Variants in RGS17 observed in about 807,000 individuals in gnomAD.
RGS17 encodes the protein regulator of G-protein signaling 17.
Under a neutral mutation model 25.5 loss-of-function variants are expected in RGS17, and 12 were observed. That is an observed-to-expected ratio of 0.47 (90% CI 0.30 to 0.76). RGS17 has a LOEUF of 0.76. Among genes scored for constraint, RGS17 ranks in the 30% least tolerant of loss-of-function variants. RGS17 has a pLI of 0.07. For synonymous variants in RGS17, 71 were observed against 76.9 expected, an observed-to-expected ratio of 0.92 and a Z score of 0.40; for missense variants, 196 against 242.2, an observed-to-expected ratio of 0.81 and a Z score of 1.27.
intron 1 of RGS17, among the ~76,000 whole-genome samples, chr6:153,065,873 C>G (rs775746410): frequency 5.3e-5 from 8 of 151,680 alleles, no homozygotes; most frequent in South Asian, 2.1e-4. Context: ...TCTTCAAGAA[C>G]TAGAAAAGCA....
In RGS17 at chr6:153,005,999, A is replaced by G. The variant is rs1022981910; in HGVS notation, c.*5575T>C. On this transcript the variant is annotated 3_prime_UTR_variant, in exon 5 of 5. Transcript: ENST00000206262. ...AAATAAAAGGTTTAATGGACACATTACTATTTTAAATTTTATACATTTTAT... is the reference window on the plus strand; with the variant it reads ...AAATAAAAGGTTTAATGGACACATTGCTATTTTAAATTTTATACATTTTAT... 1 of 152,228 alleles carries G rather than the reference A, an allele frequency of 6.6e-6. No individual in the cohort carries two copies. The highest frequency in any genetic ancestry group is 2.4e-5 in the African/African-American group (1 of 41,452). The allele number at this position is 152,228 out of a possible 1,614,324, so 9.4% of individuals were successfully genotyped here.
At chr6:153,099,091 C>T (rs540982030) in intron 1 of RGS17, among the ~76,000 whole-genome samples, 2 of 152,244 alleles carry the variant, frequency 1.3e-5, no homozygotes, top group East Asian at 3.9e-4. Flanking sequence ...ATTATCTGAT[C>T]ACTTGAGATA....
In RGS17 at chr6:153,050,886, GA is replaced by G. The variant is rs574424959; in HGVS notation, c.-25-6844del. On this transcript the variant is annotated intron_variant, in intron 1 of 4. Coordinates refer to ENST00000206262, the MANE Select transcript of RGS17 (RefSeq NM_012419.5). ...ATTTGGAGATGGGGCCAAATATAAT[GA>G]TATTTGGAGGTGGGGCCTTTCAGAG... 2.4e-3 allele frequency among the ~76,000 whole-genome samples: 369 copies of G among 150,870 alleles called. 2 individuals are homozygous for G. The highest frequency in any genetic ancestry group is 8.9e-3 in the African/African-American group (357 of 40,250).
Position 153,020,108 on chromosome 6 carries a change from AAAAAT to A in RGS17, c.444+4149_444+4153del, listed in dbSNP as rs1301577025. Among the ~76,000 whole-genome samples, 58 of 27,604 alleles carry A rather than the reference AAAAAT, an allele frequency of 2.1e-3. 1 individual carries two copies. The highest frequency in any genetic ancestry group is 5.9e-3 in the African/African-American group (49 of 8,278). The allele number at this position is 27,604 out of a possible 152,430, so 18.1% of individuals were successfully genotyped here. On this transcript the variant is annotated intron_variant, in intron 4 of 4. Transcript: ENST00000206262. ...CCTAATTGCAAATATCTTAAAAAAA[AAAAAT>A]ATATATATATATATATATATATATA...
chr6:153,028,200 A>G (rs969424191), intron 2 of RGS17, among the ~76,000 whole-genome samples: 1 of 152,162 alleles, frequency 6.6e-6, no homozygotes, highest in African/African-American at 2.4e-5. Context: ...GCCTCTACCC[A>G]TTTCTAGGGA....
At chr6:153,026,684 C>T (rs1158280587) in intron 2 of RGS17, 141 bp from the exon 3 acceptor site, 1 of 527,018 alleles carries the variant, frequency 1.9e-6, no homozygotes, top group Non-Finnish European at 3.3e-6. Flanking sequence ...AGAGCAATAC[C>T]ATTTTTAAAT....
intron 1 of RGS17, among the ~76,000 whole-genome samples, chr6:153,113,080 T>G (rs1248623395): frequency 6.6e-6 from 1 of 152,148 alleles, no homozygotes; most frequent in Non-Finnish European, 1.5e-5. Flanking sequence ...AATATTAATC[T>G]TAAAGGTAAA....
rs533033334 is a variant in RGS17, at chr6:153,126,995, A to T, written c.-26+4129T>A. Reference sequence around the variant, plus strand: ...ACCAGGGACCGGTTTCATGGAAGACAATTTTTCCACGGATGGCAGTGGGGG... The same window carrying T: ...ACCAGGGACCGGTTTCATGGAAGACTATTTTTCCACGGATGGCAGTGGGGG... On this transcript the variant is annotated intron_variant, in intron 1 of 4. Transcript: ENST00000206262. 3.9e-5 allele frequency among the ~76,000 whole-genome samples: 6 copies of T among 152,282 alleles called. No individual in the cohort carries two copies. In the East Asian group the frequency reaches 1.2e-3, roughly 29 times the overall value.
chr6:153,015,743 T>C (rs899110561), intron 4 of RGS17, among the ~76,000 whole-genome samples: 2 of 151,726 alleles, frequency 1.3e-5, no homozygotes, highest in African/African-American at 2.4e-5. Context: ...AAGCTCCGCC[T>C]CCCGGGTTCA....
chr6:153,005,252 CAGTT>C lies in RGS17; in HGVS notation c.*6318_*6321del, dbSNP rs1442509322. The C allele has an allele frequency of 2.0e-5, 3 of 152,274 alleles. No individual in the cohort carries two copies. The highest frequency in any genetic ancestry group is 7.2e-5 in the African/African-American group (3 of 41,566). 9.4% of individuals were successfully genotyped at this position (152,274 alleles called of 1,614,324 possible). On this transcript the variant is annotated 3_prime_UTR_variant, in exon 5 of 5. Transcript: ENST00000206262. ...GGAGGATTATTGTAAATTGCGCAGA[CAGTT>C]CAAGGGAAAAATTCACTTTCACCTC...
chr6:153,101,234 A>G (rs1777298948), intron 1 of RGS17, among the ~76,000 whole-genome samples: 1 of 152,232 alleles, frequency 6.6e-6, no homozygotes, highest in African/African-American at 2.4e-5. Flanking sequence ...TGAACTGCGG[A>G]GTCCACTTAT....
intron 1 of RGS17, among the ~76,000 whole-genome samples, chr6:153,075,089 T>C (rs1776859591): frequency 1.3e-5 from 2 of 152,226 alleles, no homozygotes; most frequent in South Asian, 2.1e-4. Context: ...AATGAGTTCA[T>C]ACATTTTATT....
intron 1 of RGS17, among the ~76,000 whole-genome samples, chr6:153,097,872 T>C (rs1584155929): frequency 6.6e-6 from 1 of 152,058 alleles, no homozygotes; most frequent in African/African-American, 2.4e-5. Context: ...TCTAATCTGA[T>C]GATGTGGGGC....
intron 2 of RGS17, among the ~76,000 whole-genome samples, chr6:153,028,617 G>T (rs1456251034): frequency 1.3e-5 from 2 of 152,114 alleles, no homozygotes; most frequent in Non-Finnish European, 2.9e-5. Context: ...GGGATACACT[G>T]CTGACAATAT....
At chr6:153,056,530 T>C (rs1013298947) in intron 1 of RGS17, among the ~76,000 whole-genome samples, 5 of 152,190 alleles carry the variant, frequency 3.3e-5, no homozygotes, top group Non-Finnish European at 7.4e-5. Context: ...CCAAGCATTC[T>C]TGAGTATTTA....
chr6:153,054,219 A>G (rs1284356616), intron 1 of RGS17, among the ~76,000 whole-genome samples: 1 of 148,062 alleles, frequency 6.8e-6, no homozygotes, highest in South Asian at 2.1e-4. Flanking sequence ...TGAATACCTT[A>G]ATTTTCTCAC....
intron 1 of RGS17, among the ~76,000 whole-genome samples, chr6:153,108,570 A>C (rs1777419084): frequency 6.6e-6 from 1 of 151,914 alleles, no homozygotes; most frequent in Non-Finnish European, 1.5e-5. Flanking sequence ...GAATGAGAGA[A>C]GGCAAGAGGG....
chr6:153,119,643 A>G (rs904642854), intron 1 of RGS17, among the ~76,000 whole-genome samples: 2 of 152,182 alleles, frequency 1.3e-5, no homozygotes, highest in African/African-American at 4.8e-5. Context: ...CAGTGAGCCG[A>G]GATCACGCCA....
intron 2 of RGS17, among the ~76,000 whole-genome samples, chr6:153,043,019 A>G (rs1776341773): frequency 6.6e-6 from 1 of 152,210 alleles, no homozygotes; most frequent in African/African-American, 2.4e-5. Context: ...GTATGGTTCA[A>G]AGGAAAGTTC....
Sources: gnomAD v4.1 joint callset for allele counts (sites outside exome capture counted in the v4.1 genomes callset) on GRCh38, gnomAD v4.1.1 for gene constraint, MANE v1.5 for transcripts, NCBI Gene and HGNC (gene_info 2026-07-23, HGNC 2026-07-21) for gene names.